NR3C2: variants seen among roughly 807,000 people sequenced by gnomAD.
NR3C2 encodes the protein mineralocorticoid receptor.
Under a neutral mutation model 86.4 loss-of-function variants are expected in NR3C2, and 15 were observed. The observed-to-expected ratio is 0.17, with a 90% CI of 0.12 to 0.27. The LOEUF is 0.27. Ranked by LOEUF, NR3C2 falls within the 10% of genes least tolerant of loss-of-function variation. The pLI, the probability that NR3C2 is intolerant of heterozygous loss-of-function variation, is 1.00. For synonymous variants in NR3C2, 458 were observed against 450.5 expected (o/e 1.02, Z -0.21); for missense variants, 960 against 1,195.6 (o/e 0.80, Z 2.91).
rs1319453005 is a variant in NR3C2, at chr4:148,403,790, T to C, written c.1757+31314A>G. On this transcript the variant is annotated intron_variant, in intron 2 of 8. Transcript: ENST00000358102. ...ACTTTTTCACATTTCCTCTGATAAC[T>C]AGTTTATGTTTTAAATGAAGGTATG... is the stretch of plus-strand genomic sequence containing the variant. 3.9e-5 allele frequency among the ~76,000 whole-genome samples: 6 copies of C among 152,072 alleles called. No individual in the cohort carries two copies. The East Asian group carries it at 1.2e-3, about 29-fold the overall frequency.
intron 3 of NR3C2, among the ~76,000 whole-genome samples, chr4:148,246,118 AAC>A (rs869035359): frequency 1.3e-5 from 2 of 151,872 alleles, no homozygotes; most frequent in South Asian, 2.1e-4. Context: ...CAACAACAAC[AAC>A]AAAACAGAGG....
At chr4:148,094,727 CAAAA>C (rs1454229647) in intron 8 of NR3C2, among the ~76,000 whole-genome samples, 1 of 118,770 alleles carries the variant, frequency 8.4e-6, no homozygotes. Context: ...AAAAAAAAAA[CAAAA>C]AAAACAAAAA....
At chr4:148,242,457 C>T (rs1297003137) in intron 3 of NR3C2, among the ~76,000 whole-genome samples, 1 of 152,156 alleles carries the variant, frequency 6.6e-6, no homozygotes, top group Non-Finnish European at 1.5e-5. Context: ...TATAAAGCAT[C>T]TTCTGAGCAG....
chr4:148,253,356 A>G (rs114595737), intron 3 of NR3C2, among the ~76,000 whole-genome samples: 466 of 152,334 alleles, frequency 3.1e-3, no homozygotes, highest in Non-Finnish European at 5.2e-3. Context: ...CATAGATTCA[A>G]TAATGTCTGA....
intron 2 of NR3C2, among the ~76,000 whole-genome samples, chr4:148,377,591 A>G (rs944117850): frequency 6.6e-6 from 1 of 152,186 alleles, no homozygotes. Context: ...GATGCAAAGA[A>G]AAAAGGTTTT....
At chr4:148,124,159 A>ACC (rs1010725332) in intron 6 of NR3C2, among the ~76,000 whole-genome samples, 3 of 152,122 alleles carry the variant, frequency 2.0e-5, no homozygotes, top group Non-Finnish European at 4.4e-5. Context: ...AATCACTTGA[A>ACC]CCAGGAGGTG....
intron 3 of NR3C2, among the ~76,000 whole-genome samples, chr4:148,245,193 G>GTCTGACAAGTAAT (rs1739259222): frequency 6.6e-6 from 1 of 152,152 alleles, no homozygotes; most frequent in Non-Finnish European, 1.5e-5. Context: ...AGAGCACTGT[G>GTCTGACAAGTAAT]AACAGCGATC....
Position 148,120,985 on chromosome 4 carries a change from C to G in NR3C2, c.2511-697G>C, listed in dbSNP as rs576284651. Among the ~76,000 whole-genome samples, 13 of 152,256 alleles carry G rather than the reference C, an allele frequency of 8.5e-5. No homozygotes were observed. In the East Asian group the frequency reaches 2.3e-3, roughly 27 times the overall value. On this transcript the variant is annotated intron_variant, in intron 6 of 8. Transcript: ENST00000358102. ...CATAAAAATCCATGTTATCTAAAAA[C>G]AGAAGTCATTATTTTCTCTTTTCTT...
At chr4:148,420,509 G>C (rs1202097808) in intron 2 of NR3C2, among the ~76,000 whole-genome samples, 1 of 151,944 alleles carries the variant, frequency 6.6e-6, no homozygotes, top group Non-Finnish European at 1.5e-5. Context: ...ACATTATTTG[G>C]TACCTCCAGA....
At chr4:148,222,893 C>T (rs527407788) in intron 3 of NR3C2, among the ~76,000 whole-genome samples, 3 of 151,682 alleles carry the variant, frequency 2.0e-5, no homozygotes, top group African/African-American at 4.8e-5. Flanking sequence ...TCTTGGGAGC[C>T]GCATGAAGTA....
chr4:148,355,027 G>A lies in NR3C2; in HGVS notation c.1757+80077C>T, dbSNP rs1745484926. ...AATATCACTAAATTATTTCAATAAA[G>A]GGAGGACAATAACAGTTTTAATGGA... On this transcript the variant is annotated intron_variant, in intron 2 of 8. Transcript: ENST00000358102. Among the ~76,000 whole-genome samples the A allele has an allele frequency of 2.6e-5, 4 of 152,050 alleles. No individual in the cohort carries two copies. In the South Asian group the frequency reaches 8.3e-4, roughly 32 times the overall value.
At chr4:148,312,081 C>CTTTAT (rs57307059) in intron 2 of NR3C2, among the ~76,000 whole-genome samples, 61,422 of 151,634 alleles carry the variant, frequency 0.41, 14,780 homozygotes, top group African/African-American at 0.68. Flanking sequence ...TCACATTTTA[C>CTTTAT]TTTGTTTATT....
chr4:148,081,019 C>T lies in NR3C2; in HGVS notation c.*325G>A, dbSNP rs201950852. The T allele has an allele frequency of 4.9e-5, 19 of 385,588 alleles. No homozygotes were observed. The highest frequency in any genetic ancestry group is 8.9e-5 in the South Asian group (4 of 44,884). 23.9% of individuals were successfully genotyped at this position (385,588 alleles called of 1,614,324 possible). On this transcript the variant is annotated 3_prime_UTR_variant, in exon 9 of 9. Transcript: ENST00000358102. ...CAAGCGAACGATACCAGAAACTACA[C>T]GGCATAGTTAAAACTTCTTCCATCT...
chr4:148,278,113 TTTG>T (rs149785156), intron 2 of NR3C2, among the ~76,000 whole-genome samples: 76,781 of 151,582 alleles, frequency 0.51, 20,783 homozygotes, highest in African/African-American at 0.71. Context: ...TGTTTGTTTG[TTTG>T]TTTGAGACAG....
chr4:148,160,690 G>A (rs1734617094), intron 4 of NR3C2, among the ~76,000 whole-genome samples: 1 of 152,118 alleles, frequency 6.6e-6, no homozygotes, highest in African/African-American at 2.4e-5. Context: ...ACATTAGAGA[G>A]GTTATATTGA....
intron 6 of NR3C2, among the ~76,000 whole-genome samples, chr4:148,138,023 T>C (rs866307606): frequency 6.6e-6 from 1 of 152,236 alleles, no homozygotes; most frequent in Admixed American, 6.5e-5. Context: ...TAATTTCTAA[T>C]ATGGGTAAAT....
At position 148,154,692 on chromosome 4, in the gene NR3C2, G is replaced by T; in HGVS notation, c.2224C>A (p.Leu742Ile). 1 of 1,614,140 alleles carries T rather than the reference G, an allele frequency of 6.2e-7. No homozygotes were observed. Among genetic ancestry groups the T allele is most frequent in the Non-Finnish European group, 8.5e-7 (1 of 1,180,042 alleles). ...RALTPSPVMV[L>I]ENIEPEIVYA... ...ACAATTTCAGGTTCAATGTTTTCAAGGACCATAACGGGGGAAGGTGTGAGC... is the reference window on the plus strand; with the variant it reads ...ACAATTTCAGGTTCAATGTTTTCAATGACCATAACGGGGGAAGGTGTGAGC... Residue 742 changes from leucine (L) to isoleucine (I), a missense_variant, in exon 5 of 9, where the codon CTT becomes ATT. Leu to Ile is a conservative substitution (Grantham distance 5). Coordinates refer to ENST00000358102, the MANE Select transcript of NR3C2 (RefSeq NM_000901.5).
At chr4:148,146,078 A>T (rs1446214848) in intron 6 of NR3C2, among the ~76,000 whole-genome samples, 2 of 152,116 alleles carry the variant, frequency 1.3e-5, no homozygotes, top group East Asian at 3.9e-4. Flanking sequence ...TTAACTTGAA[A>T]GAAGAAGGGG....
At chr4:148,408,948 T>C (rs1748556049) in intron 2 of NR3C2, among the ~76,000 whole-genome samples, 1 of 152,206 alleles carries the variant, frequency 6.6e-6, no homozygotes, top group Non-Finnish European at 1.5e-5. Context: ...AAACATCTAC[T>C]AGTCCTAAAT....
Sources: gnomAD v4.1 joint callset for allele counts (sites outside exome capture counted in the v4.1 genomes callset) on GRCh38, gnomAD v4.1.1 for gene constraint, MANE v1.5 for transcripts, NCBI Gene and HGNC (gene_info 2026-07-23, HGNC 2026-07-21) for gene names.